Variants in ARHGAP26 observed in about 807,000 individuals in gnomAD.
ARHGAP26 encodes Rho GTPase activating protein 26.
ARHGAP26 carries 38 observed loss-of-function variants against 104.8 expected under a neutral mutation model. The observed-to-expected ratio is 0.36, with a 90% confidence interval of 0.28 to 0.48. The LOEUF is 0.48. Among genes scored for constraint, ARHGAP26 ranks in the 20% least tolerant of loss-of-function variants. The probability of loss-of-function intolerance (pLI) is 0.99; values close to 1 mark genes in which losing one functional copy is unlikely to be tolerated. For missense variants in ARHGAP26, 704 were observed against 947.9 expected, an observed-to-expected ratio of 0.74 and a Z score of 3.38; for synonymous variants, 341 against 340.0, an observed-to-expected ratio of 1.00 and a Z score of -0.03.
chr5:143,014,333 C>T, intron 12 of ARHGAP26: 1 of 596,178 alleles, frequency 1.7e-6, no homozygotes, highest in East Asian at 2.8e-5. Flanking sequence ...TGTAGTGACA[C>T]CTTGCATTGA....
intron 11 of ARHGAP26, among the ~76,000 whole-genome samples, chr5:142,970,626 A>G (rs1004916223): frequency 5.9e-5 from 9 of 152,346 alleles, no homozygotes; most frequent in African/African-American, 1.9e-4. Context: ...GGAAGAGGGC[A>G]GATAGAATAT....
At chr5:143,042,355 A>G (rs1783591507) in intron 14 of ARHGAP26, among the ~76,000 whole-genome samples, 4 of 152,308 alleles carry the variant, frequency 2.6e-5, no homozygotes, top group Admixed American at 2.6e-4. Flanking sequence ...GATAAAATAT[A>G]TATAACCAGA....
At chr5:142,953,348 C>G (rs1768698128) in intron 11 of ARHGAP26, among the ~76,000 whole-genome samples, 1 of 152,194 alleles carries the variant, frequency 6.6e-6, no homozygotes, top group Admixed American at 6.5e-5. Context: ...GTAAATAGTT[C>G]CCTTTTTCCT....
At chr5:143,097,565 A>G (rs1792564714) in intron 17 of ARHGAP26, among the ~76,000 whole-genome samples, 1 of 152,028 alleles carries the variant, frequency 6.6e-6, no homozygotes, top group African/African-American at 2.4e-5. Context: ...TCACGCCTGT[A>G]ATCCCAGCAC....
chr5:143,214,331 T>C (rs920849924), intron 22 of ARHGAP26, among the ~76,000 whole-genome samples: 9 of 152,172 alleles, frequency 5.9e-5, no homozygotes, highest in African/African-American at 2.2e-4. Context: ...TGTTGAGTTG[T>C]TACCACTGTA....
chr5:142,810,780 T>C (rs1295877451), intron 1 of ARHGAP26, among the ~76,000 whole-genome samples: 1 of 152,248 alleles, frequency 6.6e-6, no homozygotes, highest in Non-Finnish European at 1.5e-5. Context: ...GAAGGGACAC[T>C]CTTCGTTTAA....
rs983352840 is a variant in ARHGAP26 at position 143,227,480 on chromosome 5, C to T, written c.*5034C>T. ...AAATGTGTTTGGCAGCCACACCGAT[C>T]GGCTGGGTGCTGAACCGCCTCTCTG... On this transcript the variant is annotated 3_prime_UTR_variant, in exon 23 of 23. Coordinates refer to ENST00000645722, the MANE Select transcript of ARHGAP26 (RefSeq NM_001135608.3). 1 of 231,166 alleles carries T rather than the reference C, an allele frequency of 4.3e-6. No homozygotes were observed. The allele number at this position is 231,166 out of a possible 1,614,324, so 14.3% of individuals were successfully genotyped here. A position where few individuals can be genotyped will look rare whatever the true frequency, so the allele number is the denominator to read the frequency against.
intron 1 of ARHGAP26, among the ~76,000 whole-genome samples, chr5:142,833,760 G>T (rs1768990883): frequency 6.6e-6 from 1 of 152,224 alleles, no homozygotes; most frequent in Admixed American, 6.5e-5. Flanking sequence ...TACCCCTACA[G>T]AGTCTGTGTA....
chr5:143,193,576 T>C (rs1308714188), intron 20 of ARHGAP26, among the ~76,000 whole-genome samples: 1 of 152,130 alleles, frequency 6.6e-6, no homozygotes. Flanking sequence ...CAAGTAACCC[T>C]TACTTTACTT....
At chr5:143,180,244 G>C (rs1315971905) in intron 20 of ARHGAP26, among the ~76,000 whole-genome samples, 2 of 152,238 alleles carry the variant, frequency 1.3e-5, no homozygotes, top group African/African-American at 4.8e-5. Context: ...CCCTGCCTCA[G>C]CCTCCCAAGG....
Position 142,770,859 on chromosome 5 carries a change from A to G in ARHGAP26, c.98A>G (p.Asn33Ser), listed in dbSNP as rs1389618812. The change falls in exon 1 of 23, where the codon AAC becomes AGC. Residue 33 changes from asparagine to serine, a missense_variant. This residue lies in a region of ARHGAP26 where 77 missense variants were observed against 82.6 expected (regional missense o/e 0.93). Coordinates refer to ENST00000645722, the MANE Select transcript of ARHGAP26 (RefSeq NM_001135608.3). ...CACGAAGCAGAGCTGGACAAGACCA[A>G]CAAATTCATCAAGGAGCTCATCAAG... The part of the protein sequence containing the change: ...KSHEAELDKT[N>S]KFIKELIKDG... 2.5e-6 allele frequency: 4 copies of G among 1,611,842 alleles called. No homozygotes were observed. Among genetic ancestry groups the G allele is most frequent in the East Asian group, 2.2e-5 (1 of 44,570 alleles).
At chr5:143,054,162 C>A (rs6580265) in intron 14 of ARHGAP26, among the ~76,000 whole-genome samples, 39,155 of 152,068 alleles carry the variant, frequency 0.26, 5,382 homozygotes, top group South Asian at 0.47. Context: ...GTTTTTAAGA[C>A]TTTGATACAT....
intron 11 of ARHGAP26, among the ~76,000 whole-genome samples, chr5:142,939,411 C>T (rs1212757146): frequency 6.6e-6 from 1 of 152,170 alleles, no homozygotes; most frequent in Non-Finnish European, 1.5e-5. Flanking sequence ...CTGCTCACCT[C>T]CATTTTAAAG....
In ARHGAP26 at chr5:142,801,961, G is replaced by A. The variant is rs190463753; in HGVS notation, c.154+31046G>A. 2.1e-4 allele frequency among the ~76,000 whole-genome samples: 32 copies of A among 152,258 alleles called. No individual in the cohort carries two copies. In the East Asian group the frequency reaches 3.9e-3, roughly 18 times the overall value. On this transcript the variant is annotated intron_variant, in intron 1 of 22. Transcript: ENST00000645722. ...CTGGAGTGGGTGCGGGTCAGATTCC[G>A]TAACCTCGTGGAGAGAGGATAAAAA... is the stretch of plus-strand genomic sequence containing the variant.
chr5:142,773,076 A>G lies in ARHGAP26; in HGVS notation c.154+2161A>G, dbSNP rs368406498. Among the ~76,000 whole-genome samples the G allele has an allele frequency of 3.0e-4, 46 of 152,234 alleles. No homozygotes were observed. In the East Asian group the frequency reaches 4.6e-3, roughly 15 times the overall value. ...TACCACTACTAACTACTACTTGATC[A>G]GGTCAGGTGACCTCTAAAAATAGAG... On this transcript the variant is annotated intron_variant, in intron 1 of 22. Transcript: ENST00000645722.
chr5:143,012,576 T>TATATATATATATATATACATATA (rs1554195628), intron 11 of ARHGAP26, among the ~76,000 whole-genome samples: 10 of 57,036 alleles, frequency 1.8e-4, no homozygotes, highest in Admixed American at 4.1e-4. Context: ...TATATATATA[T>TATATATATATATATATACATATA]TATGATCAGG....
At chr5:143,088,651 A>G (rs1026109279) in intron 17 of ARHGAP26, among the ~76,000 whole-genome samples, 2 of 152,236 alleles carry the variant, frequency 1.3e-5, no homozygotes, top group Non-Finnish European at 2.9e-5. Context: ...AATTTTCTTT[A>G]TAATTCTCAG....
intron 11 of ARHGAP26, among the ~76,000 whole-genome samples, chr5:142,994,196 T>G (rs1232104704): frequency 6.6e-6 from 1 of 152,210 alleles, no homozygotes; most frequent in African/African-American, 2.4e-5. Flanking sequence ...TGAAGGCAGC[T>G]TCATAGAGGA....
intron 20 of ARHGAP26, among the ~76,000 whole-genome samples, chr5:143,188,023 T>TC (rs1326414758): frequency 6.6e-6 from 1 of 152,148 alleles, no homozygotes; most frequent in African/African-American, 2.4e-5. Flanking sequence ...CCCAGTCTGA[T>TC]CCCTCCCTTC....
Sources: allele counts gnomAD v4.1 joint callset (sites outside exome capture counted in the v4.1 genomes callset), GRCh38; gene constraint gnomAD v4.1.1; regional missense constraint gnomAD v4.1.1; transcripts MANE v1.5; gene names NCBI Gene and HGNC (gene_info 2026-07-23, HGNC 2026-07-21).